The following CHCHD3 variants were observed in gnomAD, a reference collection of about 807,000 sequenced individuals.
CHCHD3 encodes the protein MICOS complex subunit MIC19.
CHCHD3 carries 20 observed loss-of-function variants against 38.2 expected under a neutral mutation model. That is an observed-to-expected ratio of 0.52 (90% CI 0.37 to 0.76). The LOEUF (loss-of-function observed/expected upper bound fraction) is 0.76. Ranked by LOEUF, CHCHD3 falls within the 30% of genes least tolerant of loss-of-function variation. The pLI, the probability that CHCHD3 is intolerant of heterozygous loss-of-function variation, is 0.00. For missense variants in CHCHD3, 245 were observed against 279.2 expected, an observed-to-expected ratio of 0.88 and a Z score of 0.87; for synonymous variants, 82 against 100.0, an observed-to-expected ratio of 0.82 and a Z score of 1.07.
chr7:132,912,605 A>T (rs1374772088), intron 4 of CHCHD3, among the ~76,000 whole-genome samples: 1 of 152,028 alleles, frequency 6.6e-6, no homozygotes, highest in East Asian at 1.9e-4. Context: ...CCCAGGCTGG[A>T]GTGCAGTGGC....
intron 4 of CHCHD3, among the ~76,000 whole-genome samples, chr7:132,912,716 G>A (rs1048914387): frequency 1.1e-4 from 17 of 152,050 alleles, no homozygotes; most frequent in Admixed American, 1.3e-4. Context: ...CACCACACCC[G>A]GCTAATTTTC....
intron 1 of CHCHD3, among the ~76,000 whole-genome samples, chr7:133,079,165 C>T (rs1013012084): frequency 6.6e-6 from 1 of 152,184 alleles, no homozygotes; most frequent in South Asian, 2.1e-4. Context: ...GCACAACATG[C>T]TCTTATTTTT....
At chr7:133,065,925 T>C (rs1216881645) in intron 2 of CHCHD3, among the ~76,000 whole-genome samples, 1 of 152,212 alleles carries the variant, frequency 6.6e-6, no homozygotes, top group Non-Finnish European at 1.5e-5. Flanking sequence ...AGAGAAATCA[T>C]GTACTCAAAG....
chr7:132,912,405 CT>C (rs760528443), intron 4 of CHCHD3, among the ~76,000 whole-genome samples: 13 of 152,202 alleles, frequency 8.5e-5, no homozygotes, highest in African/African-American at 2.4e-5. Flanking sequence ...TAAAATGATG[CT>C]GGCAGTGAAG....
chr7:132,785,549 T>C lies in CHCHD3; in HGVS notation c.*88A>G. 2 of 1,305,642 alleles carry C rather than the reference T, an allele frequency of 1.5e-6. No homozygotes were observed. Among genetic ancestry groups the C allele is most frequent in the Admixed American group, 3.4e-5 (2 of 58,210 alleles). The allele number at this position is 1,305,642 out of a possible 1,614,324, so 80.9% of individuals were successfully genotyped here. A position where few individuals can be genotyped will look rare whatever the true frequency, so the allele number is the denominator to read the frequency against. On this transcript the variant is annotated 3_prime_UTR_variant, in exon 8 of 8. Transcript: ENST00000262570. ...AGTGGTCTTCTCATTAGTGGTCTTC[T>C]CTTCAAATGGGTTGTTTTCTCACTA...
intron 5 of CHCHD3, chr7:132,847,544 C>G (rs1347150754): frequency 1.3e-5 from 2 of 152,244 alleles, no homozygotes; most frequent in African/African-American, 2.4e-5. Context: ...GAGTGGGCAT[C>G]ATTCCCAAGT....
intron 3 of CHCHD3, among the ~76,000 whole-genome samples, chr7:132,986,636 T>C (rs1052436653): frequency 6.6e-6 from 1 of 152,180 alleles, no homozygotes; most frequent in Non-Finnish European, 1.5e-5. Flanking sequence ...AGAAGCAGCT[T>C]CTGCTGACCA....
At chr7:132,960,063 C>T (rs1230317420) in intron 4 of CHCHD3, among the ~76,000 whole-genome samples, 1 of 152,158 alleles carries the variant, frequency 6.6e-6, no homozygotes, top group African/African-American at 2.4e-5. Flanking sequence ...ACCTTTGTTG[C>T]AATCAGAATT....
chr7:132,928,227 T>C (rs1185754427), intron 4 of CHCHD3, among the ~76,000 whole-genome samples: 3 of 152,154 alleles, frequency 2.0e-5, no homozygotes, highest in Admixed American at 6.5e-5. Context: ...CTATGAGGCC[T>C]GGGTGAACGC....
chr7:133,026,738 T>C (rs541114235), intron 2 of CHCHD3, among the ~76,000 whole-genome samples: 4 of 152,262 alleles, frequency 2.6e-5, no homozygotes, highest in East Asian at 3.9e-4. Context: ...ATGATGAATC[T>C]TGAAAACACT....
chr7:133,038,093 A>G (rs1813730139), intron 2 of CHCHD3, among the ~76,000 whole-genome samples: 2 of 152,218 alleles, frequency 1.3e-5, no homozygotes. Flanking sequence ...TTCTTATACC[A>G]AAGAGAGTTG....
intron 3 of CHCHD3, among the ~76,000 whole-genome samples, chr7:133,018,016 G>C (rs1233393091): frequency 1.3e-5 from 2 of 152,052 alleles, no homozygotes; most frequent in African/African-American, 4.8e-5. Flanking sequence ...ATTCAGAACT[G>C]GTTAGGTCTT....
chr7:132,974,077 C>T lies in CHCHD3; in HGVS notation c.369+1092G>A, dbSNP rs951221166. ...AATAAATTATGTTGAATACAAAAGG[C>T]AGAACATTATTCAGCCATTAAAAAC... On this transcript the variant is annotated intron_variant, in intron 4 of 7. Coordinates refer to ENST00000262570, the MANE Select transcript of CHCHD3 (RefSeq NM_017812.4). 3.3e-6 allele frequency: 4 copies of T among 1,220,956 alleles called. No homozygotes were observed. The East Asian group carries it at 1.7e-4, about 53-fold the overall frequency. The allele number at this position is 1,220,956 out of a possible 1,614,324, so 75.6% of individuals were successfully genotyped here.
chr7:132,886,991 G>T lies in CHCHD3; in HGVS notation c.370-1246C>A, dbSNP rs985662481. Reference sequence around the variant, plus strand: ...CTACTTACTTTGTCTTCAATATCCTGCAGCATGTTAAAAATAAAATAAACA... The same window carrying T: ...CTACTTACTTTGTCTTCAATATCCTTCAGCATGTTAAAAATAAAATAAACA... On this transcript the variant is annotated intron_variant, in intron 4 of 7. Coordinates refer to ENST00000262570, the MANE Select transcript of CHCHD3 (RefSeq NM_017812.4). 7 of 1,289,788 alleles carry T rather than the reference G, an allele frequency of 5.4e-6. No individual in the cohort carries two copies. The African/African-American group carries it at 9.2e-5, about 17-fold the overall frequency. The allele number at this position is 1,289,788 out of a possible 1,614,324, so 79.9% of individuals were successfully genotyped here.
chr7:132,795,997 C>T (rs907665251), intron 7 of CHCHD3, among the ~76,000 whole-genome samples: 21 of 151,840 alleles, frequency 1.4e-4, no homozygotes, highest in African/African-American at 3.4e-4. Context: ...CTGGTGGAAG[C>T]GTTGGACAGT....
chr7:133,065,759 G>A (rs1814650787), intron 2 of CHCHD3, among the ~76,000 whole-genome samples: 1 of 152,096 alleles, frequency 6.6e-6, no homozygotes, highest in South Asian at 2.1e-4. Context: ...AAATGTTCAA[G>A]CTTCATGCTT....
At chr7:133,047,919 TC>T (rs1814041228) in intron 2 of CHCHD3, among the ~76,000 whole-genome samples, 1 of 151,940 alleles carries the variant, frequency 6.6e-6, no homozygotes, top group South Asian at 2.1e-4. Flanking sequence ...GAAACTTCCG[TC>T]TCTACTAAAA....
chr7:132,816,483 A>G lies in CHCHD3; in HGVS notation c.525-19906T>C, dbSNP rs141478242. Among the ~76,000 whole-genome samples the G allele has an allele frequency of 2.9e-4, 44 of 152,320 alleles. 1 individual carries two copies. The East Asian group carries it at 7.7e-3, about 27-fold the overall frequency. On this transcript the variant is annotated intron_variant, in intron 6 of 7. Coordinates refer to ENST00000262570, the MANE Select transcript of CHCHD3 (RefSeq NM_017812.4). ...TGAGCATTTTAGGAGTACCTTCCCCATATATTAACCCACTGGCTCATTTGG... is the reference window on the plus strand; with the variant it reads ...TGAGCATTTTAGGAGTACCTTCCCCGTATATTAACCCACTGGCTCATTTGG...
intron 4 of CHCHD3, among the ~76,000 whole-genome samples, chr7:132,898,786 C>T (rs981748691): frequency 4.6e-5 from 7 of 152,232 alleles, no homozygotes; most frequent in Non-Finnish European, 7.3e-5. Flanking sequence ...AGAAATCGAG[C>T]GCAGCGCCGG....
Sources: allele counts gnomAD v4.1 joint callset (sites outside exome capture counted in the v4.1 genomes callset), GRCh38; gene constraint gnomAD v4.1.1; transcripts MANE v1.5; gene names NCBI Gene and HGNC (gene_info 2026-07-23, HGNC 2026-07-21).